Variants in GPC6 observed in about 807,000 individuals in gnomAD.
GPC6 encodes glypican 6.
In GPC6, 14 loss-of-function variants were observed where a neutral mutation model predicts 55.2. The observed-to-expected ratio is 0.25, with a 90% CI of 0.17 to 0.40. The LOEUF is 0.40. Among genes scored for constraint, GPC6 ranks in the 10% least tolerant of loss-of-function variants. The pLI is 1.00. For missense variants in GPC6, 641 were observed against 708.5 expected (o/e 0.90, Z 1.08); for synonymous variants, 278 against 259.6 (o/e 1.07, Z -0.68).
At chr13:93,395,042 G>T in intron 1 of GPC6, 1 of 254,170 alleles carries the variant, frequency 3.9e-6, no homozygotes, top group Non-Finnish European at 7.9e-6. Context: ...TCCCTTCATG[G>T]GTCCAAAATG....
At chr13:94,237,074 A>C (rs1432891017) in intron 4 of GPC6, among the ~76,000 whole-genome samples, 1 of 152,148 alleles carries the variant, frequency 6.6e-6, no homozygotes, top group African/African-American at 2.4e-5. Context: ...AACAAGATGC[A>C]AGAAGTTAGT....
chr13:93,270,136 G>C (rs1028535133), intron 1 of GPC6, among the ~76,000 whole-genome samples: 7 of 151,422 alleles, frequency 4.6e-5, no homozygotes, highest in South Asian at 2.1e-4. Context: ...TGGAGTCACA[G>C]CTACTTGGGA....
intron 4 of GPC6, among the ~76,000 whole-genome samples, chr13:94,164,450 G>T (rs1888279508): frequency 6.6e-6 from 1 of 152,082 alleles, no homozygotes; most frequent in Non-Finnish European, 1.5e-5. Flanking sequence ...TGTTATTCTT[G>T]TATGATTAAG....
intron 3 of GPC6, among the ~76,000 whole-genome samples, chr13:93,864,873 T>C (rs918590103): frequency 8.6e-5 from 13 of 151,704 alleles, no homozygotes; most frequent in Admixed American, 8.6e-4. Flanking sequence ...GTTGACTGGG[T>C]CACAAATGAT....
intron 1 of GPC6, among the ~76,000 whole-genome samples, chr13:93,318,939 A>T (rs1300857664): frequency 6.6e-6 from 1 of 152,160 alleles, no homozygotes; most frequent in Non-Finnish European, 1.5e-5. Context: ...CTCTAGTCAG[A>T]ATGAGGTTTA....
intron 2 of GPC6, among the ~76,000 whole-genome samples, chr13:93,598,090 G>A (rs1877844190): frequency 6.6e-6 from 1 of 152,158 alleles, no homozygotes; most frequent in Admixed American, 6.5e-5. Flanking sequence ...GTTGCAGTGA[G>A]CTGAGATCGT....
intron 4 of GPC6, among the ~76,000 whole-genome samples, chr13:94,124,111 C>T (rs1331936686): frequency 2.0e-5 from 3 of 151,932 alleles, no homozygotes; most frequent in African/African-American, 4.8e-5. Context: ...TTTATAGCCC[C>T]GTATATTCCT....
At chr13:93,750,628 C>T (rs1264556281) in intron 2 of GPC6, among the ~76,000 whole-genome samples, 1 of 152,148 alleles carries the variant, frequency 6.6e-6, no homozygotes, top group Non-Finnish European at 1.5e-5. Flanking sequence ...GTATAGCCCA[C>T]GTGTTCTCCG....
chr13:93,866,918 T>G (rs1477540251), intron 3 of GPC6, among the ~76,000 whole-genome samples: 1 of 151,690 alleles, frequency 6.6e-6, no homozygotes, highest in Non-Finnish European at 1.5e-5. Flanking sequence ...TAAAAATATA[T>G]AATGTAAATA....
chr13:93,780,910 T>C (rs1325217796), intron 2 of GPC6, among the ~76,000 whole-genome samples: 1 of 152,118 alleles, frequency 6.6e-6, no homozygotes, highest in East Asian at 1.9e-4. Context: ...ATTACCTACA[T>C]TGTGTAAAGT....
At chr13:94,283,479 C>T (rs1892445663) in intron 4 of GPC6, among the ~76,000 whole-genome samples, 1 of 152,220 alleles carries the variant, frequency 6.6e-6, no homozygotes, top group Non-Finnish European at 1.5e-5. Flanking sequence ...AGTAGAGGGC[C>T]TTGGCCCAGA....
At chr13:93,669,142 C>T (rs1421103809) in intron 2 of GPC6, among the ~76,000 whole-genome samples, 3 of 152,114 alleles carry the variant, frequency 2.0e-5, no homozygotes, top group African/African-American at 7.2e-5. Flanking sequence ...AAGTGTATTT[C>T]TTGCACTGGA....
chr13:94,052,329 T>C (rs1201444714), intron 4 of GPC6, among the ~76,000 whole-genome samples: 1 of 152,170 alleles, frequency 6.6e-6, no homozygotes, highest in African/African-American at 2.4e-5. Context: ...ATGAAGGTAC[T>C]TTGTCTAAAA....
chr13:94,350,924 G>A (rs1878508564), intron 6 of GPC6, among the ~76,000 whole-genome samples: 1 of 152,182 alleles, frequency 6.6e-6, no homozygotes, highest in Non-Finnish European at 1.5e-5. Flanking sequence ...GGCATTGGGA[G>A]AGGACTTCCA....
intron 5 of GPC6, among the ~76,000 whole-genome samples, chr13:94,293,482 C>A (rs9524411): frequency 0.016 from 2,381 of 152,320 alleles, 32 homozygotes; most frequent in East Asian, 0.036. Context: ...TTTCCTGAGG[C>A]CTCCCCAGCC....
chr13:93,487,222 T>C (rs548031721), intron 1 of GPC6, among the ~76,000 whole-genome samples: 1 of 151,868 alleles, frequency 6.6e-6, no homozygotes, highest in Non-Finnish European at 1.5e-5. Flanking sequence ...AATTTTTAAA[T>C]TTTTTTTTAA....
chr13:93,500,022 A>AAGTC (rs1361985202), intron 1 of GPC6, among the ~76,000 whole-genome samples: 1 of 152,164 alleles, frequency 6.6e-6, no homozygotes, highest in Non-Finnish European at 1.5e-5. Flanking sequence ...CTGCCGTGGA[A>AAGTC]AGTCATCACT....
intron 3 of GPC6, among the ~76,000 whole-genome samples, chr13:93,857,029 A>C (rs1448986244): frequency 6.6e-6 from 1 of 151,664 alleles, no homozygotes; most frequent in African/African-American, 2.4e-5. Flanking sequence ...ATGGCAATAC[A>C]ATACAATATT....
chr13:94,303,754 T>C (rs933044789), intron 5 of GPC6, among the ~76,000 whole-genome samples: 1 of 142,986 alleles, frequency 7.0e-6, no homozygotes, highest in Non-Finnish European at 1.5e-5. Context: ...TCTGTAATAA[T>C]TAACTCCCTC....
Sources: gnomAD v4.1 joint callset for allele counts (sites outside exome capture counted in the v4.1 genomes callset) on GRCh38, gnomAD v4.1.1 for gene constraint, MANE v1.5 for transcripts, NCBI Gene and HGNC (gene_info 2026-07-23, HGNC 2026-07-21) for gene names.